The following CLU variants were observed in gnomAD, a reference collection of about 807,000 sequenced individuals.
The protein encoded by CLU is aging-associated protein 4.
In CLU, 25 loss-of-function variants were observed where a neutral mutation model predicts 46.4. That is an observed-to-expected ratio of 0.54 (90% CI 0.39 to 0.75). CLU has a LOEUF of 0.75. Among genes scored for constraint, CLU ranks in the 30% least tolerant of loss-of-function variants. CLU has a pLI of 0.00. For missense variants in CLU, 504 were observed against 592.1 expected (o/e 0.85, Z 1.54); for synonymous variants, 235 against 235.1 (o/e 1.00, Z 0.00).
intron 1 of CLU, among the ~76,000 whole-genome samples, chr8:27,612,695 G>A (rs1433261996): frequency 6.6e-6 from 1 of 151,990 alleles, no homozygotes; most frequent in Non-Finnish European, 1.5e-5. Flanking sequence ...TTCTAGAACC[G>A]TGACTGCACA....
At position 27,604,169 on chromosome 8, in the gene CLU, T is replaced by A; in HGVS notation, c.934+122A>T. ...CTGCCCCGGGACACAGCTCAAAGGC[T>A]GCAGAGCTGGAATCCAAACGCTTAT... On this transcript the variant is annotated intron_variant, in intron 6 of 8. Coordinates refer to ENST00000316403, the MANE Select transcript of CLU (RefSeq NM_001831.4). 5 of 778,288 alleles carry A rather than the reference T, an allele frequency of 6.4e-6. No individual in the cohort carries two copies. In the South Asian group the frequency reaches 7.2e-5, roughly 11 times the overall value. 48.2% of individuals were successfully genotyped at this position (778,288 alleles called of 1,614,324 possible).
chr8:27,611,013 C>T, intron 1 of CLU: 1 of 368,332 alleles, frequency 2.7e-6, no homozygotes, highest in Admixed American at 3.4e-5. Flanking sequence ...CCGTCCCTCC[C>T]CATGCCACCT....
intron 6 of CLU, among the ~76,000 whole-genome samples, chr8:27,601,957 G>A (rs779614313): frequency 2.6e-5 from 4 of 152,096 alleles, no homozygotes; most frequent in Admixed American, 6.6e-5. Flanking sequence ...CAGGCGTGGC[G>A]GTGCACGCCT....
chr8:27,606,528 C>A lies in CLU; in HGVS notation c.247-4G>T, dbSNP rs1257227067. ...CCCTGGTCTCATTTAGGGCATCCTA[C>A]AGGAAGACACAAGGCTGGCTGAGCC... On this transcript the variant is annotated splice_region_variant and splice_polypyrimidine_tract_variant and intron_variant, in intron 3 of 8. Transcript: ENST00000316403. 1 of 1,614,054 alleles carries A rather than the reference C, an allele frequency of 6.2e-7. No individual in the cohort carries two copies. Among genetic ancestry groups the A allele is most frequent in the Non-Finnish European group, 8.5e-7 (1 of 1,179,958 alleles).
rs144338682 is a variant in CLU, at chr8:27,614,414, C to G, written c.-30+241G>C. 1.9e-3 allele frequency: 564 copies of G among 295,918 alleles called. 6 individuals carry two copies. Among genetic ancestry groups the G allele is most frequent in the African/African-American group, 0.012 (527 of 43,462 alleles). 18.3% of individuals were successfully genotyped at this position (295,918 alleles called of 1,614,324 possible). The stretch of plus-strand genomic sequence containing the variant: ...ATTATATCTGTTCTATTTACCCCCC[C>G]ACCACAGAATTGTGGTTGGAGCTCG... On this transcript the variant is annotated intron_variant, in intron 1 of 8. Transcript: ENST00000316403.
At chr8:27,612,373 G>C (rs1800944465) in intron 1 of CLU, among the ~76,000 whole-genome samples, 1 of 152,196 alleles carries the variant, frequency 6.6e-6, no homozygotes, top group Non-Finnish European at 1.5e-5. Context: ...ACCTCAGAGA[G>C]GGGAATGTGT....
intron 6 of CLU, 44 bp downstream of exon 6, chr8:27,604,247 C>G (rs905975676): frequency 1.7e-5 from 25 of 1,500,574 alleles, no homozygotes; most frequent in Non-Finnish European, 2.2e-5. Flanking sequence ...CCCCAGGACA[C>G]AAGGGATCAG....
intron 8 of CLU, 74 bp downstream of exon 8, chr8:27,598,386 C>T (rs2132849107): frequency 2.5e-6 from 4 of 1,606,426 alleles, no homozygotes; most frequent in Non-Finnish European, 3.4e-6. Flanking sequence ...AGAGTCTGCA[C>T]TTTGTTTGTT....
chr8:27,609,812 A>G (rs1346606074), intron 2 of CLU, among the ~76,000 whole-genome samples: 1 of 152,208 alleles, frequency 6.6e-6, no homozygotes, highest in Non-Finnish European at 1.5e-5. Flanking sequence ...ATAACACCAT[A>G]TCATAACTGG....
chr8:27,598,249 C>A lies in CLU; in HGVS notation c.1342G>T (p.Glu448Ter). Residue 448 changes from glutamate (E) to a stop codon, truncating the protein, a stop_gained and splice_region_variant, in exon 9 of 9, where the codon GAG (glutamate) becomes TAG (stop). Coordinates refer to ENST00000316403, the MANE Select transcript of CLU (RefSeq NM_001831.4). LOFTEE classifies it high-confidence loss of function. ...ALQEYRKKHREE is the reference protein window; with the variant it reads ...ALQEYRKKHR ...AAAGCAACATCCACATCTCACTCCT[C>A]CCTGAAATAAAAAACAGTTATCCTC... 1 of 1,613,928 alleles carries A rather than the reference C, an allele frequency of 6.2e-7. No homozygotes were observed.
At position 27,599,439 on chromosome 8, in the gene CLU, G is replaced by T; in HGVS notation, c.1164+341C>A. ...GGGCAGCCTTGTAGCTTTGAGAAAA[G>T]AACAGAGGCTTCTGGTTTATTCACA... On this transcript the variant is annotated intron_variant, in intron 7 of 8. Transcript: ENST00000316403. This position sits in a 1 kb window ranked among gnomAD's most constrained non-coding sequence, Gnocchi z 4.0. The T allele has an allele frequency of 6.0e-6, 2 of 332,000 alleles. No homozygotes were observed. The highest frequency in any genetic ancestry group is 1.2e-5 in the Non-Finnish European group (2 of 173,862). The allele number at this position is 332,000 out of a possible 1,614,324, so 20.6% of individuals were successfully genotyped here.
In CLU at chr8:27,605,189, G is replaced by A. The variant is rs530052697; in HGVS notation, c.564C>T (p.Asp188=). 4.3e-5 allele frequency: 69 copies of A among 1,614,224 alleles called. No homozygotes were observed. The highest frequency in any genetic ancestry group is 2.8e-4 in the Admixed American group (17 of 60,028). ...DHFSRASSII[D]ELFQDRFFTR... ...TGAAGAACCTGTCCTGGAAGAGCTC[G>A]TCTATGATGCTGGACGCGCGGCTGA... The change falls in exon 5 of 9, where the codon GAC becomes GAT. Residue 188 remains aspartate (D), a synonymous_variant. Transcript: ENST00000316403.
At chr8:27,603,140 A>G (rs1285852736) in intron 6 of CLU, among the ~76,000 whole-genome samples, 1 of 152,200 alleles carries the variant, frequency 6.6e-6, no homozygotes, top group Non-Finnish European at 1.5e-5. Context: ...GCAACAGAGT[A>G]AAAATCAGCA....
Position 27,599,487 on chromosome 8 carries a change from C to G in CLU, c.1164+293G>C, listed in dbSNP as rs1428092132. The G allele has an allele frequency of 2.4e-6, 1 of 423,598 alleles. No homozygotes were observed. The highest frequency in any genetic ancestry group is 4.4e-6 in the Non-Finnish European group (1 of 228,842). 26.2% of individuals were successfully genotyped at this position (423,598 alleles called of 1,614,324 possible). A position where few individuals can be genotyped will look rare whatever the true frequency, so the allele number is the denominator to read the frequency against. On this transcript the variant is annotated intron_variant, in intron 7 of 8. Transcript: ENST00000316403. The surrounding 1 kb of genome is among the most constrained non-coding windows in gnomAD (Gnocchi z 4.0). ...ACAGATTTGTGCACCAAAACAAAAA[C>G]AACAACAACAAAATACAGGCTTGGC... is the stretch of plus-strand genomic sequence containing the variant.
At position 27,599,665 on chromosome 8, in the gene CLU, TA is replaced by T; in HGVS notation, c.1164+114del. 1 of 816,442 alleles carries T rather than the reference TA, an allele frequency of 1.2e-6. No homozygotes were observed. The highest frequency in any genetic ancestry group is 2.0e-6 in the Non-Finnish European group (1 of 488,796). The allele number at this position is 816,442 out of a possible 1,614,324, so 50.6% of individuals were successfully genotyped here. A position where few individuals can be genotyped will look rare whatever the true frequency, so the allele number is the denominator to read the frequency against. ...GAGGCTTCAAGGCAACAGGGGCGCC[TA>T]AAGTTTTCTATTTTCTGCCGTGTGA... is the stretch of plus-strand genomic sequence containing the variant. On this transcript the variant is annotated intron_variant, in intron 7 of 8. Transcript: ENST00000316403. This position sits in a 1 kb window ranked among gnomAD's most constrained non-coding sequence, Gnocchi z 4.0.
chr8:27,612,975 G>A (rs1253014876), intron 1 of CLU, among the ~76,000 whole-genome samples: 5 of 136,614 alleles, frequency 3.7e-5, no homozygotes, highest in African/African-American at 1.0e-4. Context: ...GGCAGGGGGG[G>A]CGGGGGGAGC....
intron 1 of CLU, chr8:27,611,245 A>G: frequency 2.2e-6 from 1 of 454,294 alleles, no homozygotes; most frequent in South Asian, 1.6e-5. Context: ...CTGCCTGTGC[A>G]TTCAGGGGTG....
chr8:27,601,803 T>A (rs930839000), intron 6 of CLU, among the ~76,000 whole-genome samples: 1 of 132,872 alleles, frequency 7.5e-6, no homozygotes, highest in Non-Finnish European at 1.6e-5. Context: ...CAAAAAAAAA[T>A]TTAAAAATAA....
chr8:27,610,245 T>C (rs1212827468), intron 2 of CLU, among the ~76,000 whole-genome samples: 3 of 152,032 alleles, frequency 2.0e-5, no homozygotes, highest in Non-Finnish European at 4.4e-5. Flanking sequence ...CCGAAAGTGC[T>C]TGGGAAATGC....
Sources: gnomAD v4.1 joint callset for allele counts (sites outside exome capture counted in the v4.1 genomes callset) on GRCh38, gnomAD v4.1.1 for gene constraint, Gnocchi (gnomAD v3.1) non-coding constraint, MANE v1.5 for transcripts, NCBI Gene and HGNC (gene_info 2026-07-23, HGNC 2026-07-21) for gene names.